Variants in C11orf65 observed in about 807,000 individuals in gnomAD.
The protein encoded by C11orf65 is chromosome 11 open reading frame 65, also known as protein MFI.
Under a neutral mutation model 35.3 loss-of-function variants are expected in C11orf65, and 38 were observed. That is an observed-to-expected ratio of 1.08 (90% confidence interval 0.83 to 1.41). The LOEUF (loss-of-function observed/expected upper bound fraction) is 1.41, where lower values mean the gene tolerates loss of function less well. Among genes scored for constraint, C11orf65 ranks in the 40% most tolerant of loss-of-function variants. The probability of loss-of-function intolerance (pLI) is 0.00; values close to 1 mark genes in which losing one functional copy is unlikely to be tolerated. For missense variants in C11orf65, 370 were observed against 367.1 expected, an observed-to-expected ratio of 1.01 and a Z score of -0.06; for synonymous variants, 105 against 114.4, an observed-to-expected ratio of 0.92 and a Z score of 0.53.
chr11:108,391,342 A>G (rs1008342951), intron 7 of C11orf65, among the ~76,000 whole-genome samples: 1 of 152,034 alleles, frequency 6.6e-6, no homozygotes, highest in Admixed American at 6.6e-5. Flanking sequence ...GGCTTTTAGT[A>G]TAATATTAGC....
downstream of C11orf65, among the ~76,000 whole-genome samples, chr11:108,329,857 T>C (rs764967439): frequency 1.3e-5 from 2 of 152,234 alleles, no homozygotes; most frequent in Non-Finnish European, 2.9e-5. Flanking sequence ...TGTTTGTTGG[T>C]ATCATAGTGG....
chr11:108,400,144 T>C (rs1448068867), intron 6 of C11orf65, among the ~76,000 whole-genome samples: 2 of 152,200 alleles, frequency 1.3e-5, no homozygotes, highest in African/African-American at 2.4e-5. Context: ...GTAAAGGGGT[T>C]GGAACAGCAT....
intron 6 of C11orf65, among the ~76,000 whole-genome samples, chr11:108,323,040 CTAT>C (rs964265996): frequency 1.3e-5 from 2 of 151,874 alleles, no homozygotes; most frequent in African/African-American, 4.8e-5. Context: ...TTTTGAATTA[CTAT>C]TATTATTATA....
intron 3 of C11orf65, among the ~76,000 whole-genome samples, chr11:108,419,745 A>T (rs1346933310): frequency 6.6e-6 from 1 of 152,220 alleles, no homozygotes; most frequent in African/African-American, 2.4e-5. Flanking sequence ...CAGGAATAGA[A>T]GGAAACTTCC....
intron 1 of C11orf65, among the ~76,000 whole-genome samples, chr11:108,463,593 C>T (rs1408510904): frequency 1.3e-5 from 2 of 152,108 alleles, no homozygotes; most frequent in Non-Finnish European, 2.9e-5. Flanking sequence ...TTCTTAGCTG[C>T]ATGATTTTGC....
At chr11:108,447,665 G>A (rs1378949625) in intron 2 of C11orf65, among the ~76,000 whole-genome samples, 1 of 151,898 alleles carries the variant, frequency 6.6e-6, no homozygotes, top group Non-Finnish European at 1.5e-5. Flanking sequence ...AGCACTAAAT[G>A]CCCACAAGAG....
intron 2 of C11orf65, among the ~76,000 whole-genome samples, chr11:108,349,722 G>A (rs1249566924): frequency 6.6e-6 from 1 of 152,184 alleles, no homozygotes; most frequent in Non-Finnish European, 1.5e-5. Flanking sequence ...GGATGGCAGA[G>A]AAATTTGCTG....
intron 3 of C11orf65, among the ~76,000 whole-genome samples, chr11:108,411,749 G>A (rs886394041): frequency 2.0e-5 from 3 of 150,616 alleles, no homozygotes; most frequent in African/African-American, 7.3e-5. Context: ...AGCTTAATTT[G>A]TCCAATACTA....
At chr11:108,333,022 A>G (rs2086451137) in intron 3 of C11orf65, 7 of 1,254,664 alleles carry the variant, frequency 5.6e-6, no homozygotes, top group Non-Finnish European at 7.8e-6. Flanking sequence ...CAAAAGCTTA[A>G]TTTATATCTG....
chr11:108,404,648 C>A (rs1362423692), intron 6 of C11orf65, among the ~76,000 whole-genome samples: 1 of 146,624 alleles, frequency 6.8e-6, no homozygotes, highest in African/African-American at 2.5e-5. Flanking sequence ...CGAGGATGGT[C>A]TCAATCTCCC....
intron 6 of C11orf65, among the ~76,000 whole-genome samples, chr11:108,318,439 C>T (rs2084938362): frequency 1.3e-5 from 2 of 151,950 alleles, no homozygotes; most frequent in African/African-American, 4.8e-5. Flanking sequence ...ACCTGTAATC[C>T]CAGCACTTGG....
intron 2 of C11orf65, among the ~76,000 whole-genome samples, chr11:108,351,073 A>G (rs534551952): frequency 6.6e-6 from 1 of 152,356 alleles, no homozygotes; most frequent in African/African-American, 2.4e-5. Flanking sequence ...TTTGTATATA[A>G]TGAGATTGAA....
intron 6 of C11orf65, chr11:108,317,554 CCT>C (rs755658856): frequency 1.3e-6 from 2 of 1,507,464 alleles, no homozygotes; most frequent in South Asian, 1.1e-5. Context: ...TTTTTTTTTG[CCT>C]CTCTCCTCAT....
intron 6 of C11orf65, among the ~76,000 whole-genome samples, chr11:108,322,071 C>A (rs1277075438): frequency 6.6e-6 from 1 of 152,168 alleles, no homozygotes; most frequent in Non-Finnish European, 1.5e-5. Flanking sequence ...CTCTGCCTTG[C>A]TAAACTAGAA....
chr11:108,458,158 AG>A (rs1180056120), intron 2 of C11orf65, among the ~76,000 whole-genome samples: 1 of 151,850 alleles, frequency 6.6e-6, no homozygotes, highest in Non-Finnish European at 1.5e-5. Context: ...TGTTTTCTTC[AG>A]GTTCTATCTT....
chr11:108,461,611 A>C, intron 1 of C11orf65, 43 bp from the exon 2 acceptor site: 1 of 1,206,492 alleles, frequency 8.3e-7, no homozygotes. Context: ...AAATAATTTT[A>C]ATTTACTTTC....
At chr11:108,407,242 T>C (rs899999904) in intron 3 of C11orf65, 93 bp from the exon 4 acceptor site, 8 of 897,514 alleles carry the variant, frequency 8.9e-6, no homozygotes, top group Non-Finnish European at 1.3e-5. Context: ...AAATAATTGC[T>C]AAATATTGAC....
At chr11:108,418,594 A>T (rs1051624841) in intron 3 of C11orf65, among the ~76,000 whole-genome samples, 1 of 152,154 alleles carries the variant, frequency 6.6e-6, no homozygotes, top group Non-Finnish European at 1.5e-5. Flanking sequence ...CATTTCAAAA[A>T]GTTAGAAAAA....
intron 7 of C11orf65, among the ~76,000 whole-genome samples, chr11:108,388,548 A>T (rs2092072142): frequency 6.6e-6 from 1 of 152,224 alleles, no homozygotes; most frequent in African/African-American, 2.4e-5. Context: ...CATATCTTAG[A>T]AATCAAAGGA....
Sources: gnomAD v4.1 joint callset for allele counts (sites outside exome capture counted in the v4.1 genomes callset) on GRCh38, gnomAD v4.1.1 for gene constraint, MANE v1.5 for transcripts, NCBI Gene and HGNC (gene_info 2026-07-23, HGNC 2026-07-21) for gene names.